The following ASH1L variants were observed in gnomAD, a reference collection of about 807,000 sequenced individuals.
The protein encoded by ASH1L is ASH1 like histone lysine methyltransferase, also known as histone-lysine N-methyltransferase ASH1L.
A neutral mutation model predicts 269.0 loss-of-function variants in ASH1L; 23 were observed. That is an observed-to-expected ratio of 0.09 (90% confidence interval 0.06 to 0.12). The LOEUF (loss-of-function observed/expected upper bound fraction) is 0.12, where lower values mean the gene tolerates loss of function less well. Ranked by LOEUF, ASH1L falls within the 10% of genes least tolerant of loss-of-function variation. The pLI is 1.00. For synonymous variants in ASH1L, 1,187 were observed against 1,253.5 expected (o/e 0.95, Z 1.12); for missense variants, 2,912 against 3,567.8 (o/e 0.82, Z 4.68).
intron 1 of ASH1L, among the ~76,000 whole-genome samples, chr1:155,547,287 A>G (rs796602471): frequency 3.3e-5 from 5 of 152,156 alleles, no homozygotes; most frequent in African/African-American, 1.2e-4. Flanking sequence ...TTAAAAAAAA[A>G]AAAAGTTAAA....
intron 2 of ASH1L, among the ~76,000 whole-genome samples, chr1:155,509,568 G>C (rs1668031736): frequency 6.6e-6 from 1 of 152,188 alleles, no homozygotes; most frequent in Non-Finnish European, 1.5e-5. Flanking sequence ...GGAGGCCAAA[G>C]CAGGCCGATC....
chr1:155,351,326 G>A (rs1653908353), intron 17 of ASH1L, among the ~76,000 whole-genome samples: 1 of 152,026 alleles, frequency 6.6e-6, no homozygotes, highest in Non-Finnish European at 1.5e-5. Flanking sequence ...GAGGTGGGCA[G>A]AGAACTTGAG....
chr1:155,562,507 T>C lies in ASH1L; in HGVS notation c.-454A>G, dbSNP rs1282647345. Reference sequence around the variant, plus strand: ...CCAGAGGGAGGGAGCGAAGGGCGCCTAGCGCCCCCCTCAACCTTCCACTCC... The same window carrying C: ...CCAGAGGGAGGGAGCGAAGGGCGCCCAGCGCCCCCCTCAACCTTCCACTCC... On this transcript the variant is annotated 5_prime_UTR_variant, in exon 1 of 28. Coordinates refer to ENST00000392403, the MANE Select transcript of ASH1L (RefSeq NM_018489.3). 46 of 1,496,050 alleles carry C rather than the reference T, an allele frequency of 3.1e-5. No homozygotes were observed. The highest frequency in any genetic ancestry group is 4.0e-5 in the Non-Finnish European group (44 of 1,109,506). 92.7% of individuals were successfully genotyped at this position (1,496,050 alleles called of 1,614,324 possible).
intron 4 of ASH1L, among the ~76,000 whole-genome samples, chr1:155,454,326 C>G (rs1185479458): frequency 6.6e-6 from 1 of 152,172 alleles, no homozygotes; most frequent in Admixed American, 6.5e-5. Context: ...ACATAGTTTT[C>G]CCATTACATC....
At position 155,452,224 on chromosome 1, in the gene ASH1L, AG is replaced by A. The variant is rs200331600; in HGVS notation, c.5086+7572del. 2.7e-3 allele frequency among the ~76,000 whole-genome samples: 413 copies of A among 151,598 alleles called. 16 individuals carry two copies. In the East Asian group the frequency reaches 0.069, roughly 25 times the overall value. ...TGGCTAGTTTTTGTATTTTTAGTAG[AG>A]ACGGGGTTTTGCCATGTTGGCCAGG... On this transcript the variant is annotated intron_variant, in intron 4 of 27. Coordinates refer to ENST00000392403, the MANE Select transcript of ASH1L (RefSeq NM_018489.3).
intron 3 of ASH1L, among the ~76,000 whole-genome samples, chr1:155,460,829 C>A (rs1664247349): frequency 6.6e-6 from 1 of 152,280 alleles, no homozygotes; most frequent in Non-Finnish European, 1.5e-5. Context: ...AATTTCCTTT[C>A]AAAAACTTTC....
chr1:155,433,890 T>C (rs1262484497), intron 5 of ASH1L: 6 of 1,600,390 alleles, frequency 3.7e-6, no homozygotes, highest in Non-Finnish European at 5.1e-6. Context: ...CGAACCAGTA[T>C]CGAGAACCGA....
At chr1:155,425,873 T>C (rs879452278) in intron 5 of ASH1L, among the ~76,000 whole-genome samples, 12 of 147,656 alleles carry the variant, frequency 8.1e-5, no homozygotes, top group Non-Finnish European at 1.6e-4. Flanking sequence ...CCCCCATGCC[T>C]GGCCTAATTT....
intron 2 of ASH1L, among the ~76,000 whole-genome samples, chr1:155,484,946 A>AAAC (rs1666221796): frequency 7.0e-6 from 1 of 142,098 alleles, no homozygotes; most frequent in Admixed American, 7.0e-5. Context: ...AAAAAAAACA[A>AAAC]AAACAAAAAC....
Position 155,480,539 on chromosome 1 carries a change from G to A in ASH1L, c.2331C>T (p.Arg777=), listed in dbSNP as rs1287027382. ...PSFVDHDFLK[R]RLPKLSKSTA... ...TGGATTTGCTCAACTTTGGCAATCG[G>A]CGTTTAAGGAAGTCATGATCTACAA... The change falls in exon 3 of 28, where the codon CGC becomes CGT. Residue 777 remains arginine (R), a synonymous_variant. Transcript: ENST00000392403. 1 of 1,613,996 alleles carries A rather than the reference G, an allele frequency of 6.2e-7. No homozygotes were observed. Among genetic ancestry groups the A allele is most frequent in the African/African-American group, 1.3e-5 (1 of 74,920 alleles).
chr1:155,559,205 T>C (rs1671795807), intron 1 of ASH1L, among the ~76,000 whole-genome samples: 3 of 152,274 alleles, frequency 2.0e-5, no homozygotes, highest in Admixed American at 2.0e-4. Context: ...GAAATATAAA[T>C]GTTTGCCTTC....
chr1:155,439,809 T>C (rs1662398772), intron 4 of ASH1L, among the ~76,000 whole-genome samples: 1 of 151,984 alleles, frequency 6.6e-6, no homozygotes, highest in African/African-American at 2.4e-5. Context: ...CTTATCTATA[T>C]GACTTTTAAA....
chr1:155,457,144 T>G (rs1246829603), intron 4 of ASH1L, among the ~76,000 whole-genome samples: 1 of 152,224 alleles, frequency 6.6e-6, no homozygotes, highest in African/African-American at 2.4e-5. Context: ...TAAGCCTTTG[T>G]TGTTTTAAGC....
chr1:155,362,329 T>C (rs1655039537), intron 12 of ASH1L, among the ~76,000 whole-genome samples: 1 of 151,926 alleles, frequency 6.6e-6, no homozygotes, highest in Admixed American at 6.6e-5. Flanking sequence ...CCACCGTGCT[T>C]GACTTTGTTT....
At chr1:155,463,483 C>T (rs747367921) in intron 3 of ASH1L, among the ~76,000 whole-genome samples, 4 of 151,926 alleles carry the variant, frequency 2.6e-5, no homozygotes, top group Non-Finnish European at 4.4e-5. Flanking sequence ...TTAATTGAGT[C>T]CTTAGGTTTA....
intron 5 of ASH1L, among the ~76,000 whole-genome samples, chr1:155,423,558 ACT>A (rs929562365): frequency 6.6e-6 from 1 of 152,122 alleles, no homozygotes; most frequent in South Asian, 2.1e-4. Context: ...ACAGAGCAAG[ACT>A]CTGTCTCAAA....
rs555920159 is a variant in ASH1L, at chr1:155,520,992, A to G, written c.420+108T>C. On this transcript the variant is annotated intron_variant, in intron 2 of 27. Coordinates refer to ENST00000392403, the MANE Select transcript of ASH1L (RefSeq NM_018489.3). The stretch of plus-strand genomic sequence containing the variant: ...GGCTCACAAAAACAAACTATCTGGA[A>G]ATAACATAGATTAAAATCAAACTCC... 1.1e-5 allele frequency: 13 copies of G among 1,223,188 alleles called. No homozygotes were observed. The East Asian group carries it at 1.4e-4, about 13-fold the overall frequency. The allele number at this position is 1,223,188 out of a possible 1,614,324, so 75.8% of individuals were successfully genotyped here.
At position 155,354,613 on chromosome 1, in the gene ASH1L, T is replaced by C. The variant is rs150326579; in HGVS notation, c.7073A>G (p.His2358Arg). Residue 2358 changes from histidine (H) to arginine (R), a missense_variant, in exon 16 of 28, where the codon CAT becomes CGT. Coordinates refer to ENST00000392403, the MANE Select transcript of ASH1L (RefSeq NM_018489.3). ...CCAGTTTCGGACCAAGAATACATGA[T>C]GCTTTAACACAAAGTTCCTGCAAGG... ...SNRERNFVLK[H>R]HVFLVRNWEK... 2.5e-6 allele frequency: 4 copies of C among 1,611,124 alleles called. No homozygotes were observed. The highest frequency in any genetic ancestry group is 1.1e-5 in the South Asian group (1 of 90,116).
At position 155,478,830 on chromosome 1, in the gene ASH1L, T is replaced by C. The variant is rs1363327637; in HGVS notation, c.4040A>G (p.Lys1347Arg). 1.9e-6 allele frequency: 3 copies of C among 1,614,044 alleles called. No individual in the cohort carries two copies. The highest frequency in any genetic ancestry group is 2.5e-6 in the Non-Finnish European group (3 of 1,179,990). The part of the protein sequence containing the change: ...PLHYIRKPDL[K>R]KKRGRPPKMR... The stretch of plus-strand genomic sequence containing the variant: ...CTTAGGGGGTCTCCCTCTTTTCTTT[T>C]TTAAGTCAGGTTTTCGAATGTAGTG... The change falls in exon 3 of 28, where the codon AAA (lysine) becomes AGA (arginine). Residue 1347 changes from lysine (K) to arginine (R), a missense_variant. Transcript: ENST00000392403. The surrounding 1 kb of genome is among the most constrained non-coding windows in gnomAD (Gnocchi z 4.6).
Sources: gnomAD v4.1 joint callset for allele counts (sites outside exome capture counted in the v4.1 genomes callset) on GRCh38, gnomAD v4.1.1 for gene constraint, Gnocchi (gnomAD v3.1) non-coding constraint, MANE v1.5 for transcripts, NCBI Gene and HGNC (gene_info 2026-07-23, HGNC 2026-07-21) for gene names.